Variants in DEPTOR observed in about 807,000 individuals in gnomAD.
The protein encoded by DEPTOR is DEP domain-containing mTOR-interacting protein.
A neutral mutation model predicts 41.6 loss-of-function variants in DEPTOR; 41 were observed. That is an observed-to-expected ratio of 0.98 (90% CI 0.77 to 1.28). DEPTOR has a LOEUF of 1.28. Among genes scored for constraint, DEPTOR ranks in the 50% most tolerant of loss-of-function variants. The probability of loss-of-function intolerance (pLI) is 0.00; values close to 1 mark genes in which losing one functional copy is unlikely to be tolerated. For missense variants in DEPTOR, 514 were observed against 527.9 expected, an observed-to-expected ratio of 0.97 and a Z score of 0.26; for synonymous variants, 195 against 192.3, an observed-to-expected ratio of 1.01 and a Z score of -0.12.
intron 1 of DEPTOR, among the ~76,000 whole-genome samples, chr8:119,926,048 T>C (rs551274464): frequency 9.5e-4 from 144 of 152,366 alleles, no homozygotes; most frequent in Middle Eastern, 3.4e-3. Flanking sequence ...AAAACATTTA[T>C]GTAGTTAGGG....
At chr8:119,935,433 A>G (rs1237499785) in intron 3 of DEPTOR, among the ~76,000 whole-genome samples, 1 of 152,114 alleles carries the variant, frequency 6.6e-6, no homozygotes, top group African/African-American at 2.4e-5. Flanking sequence ...ATTTAAGAAA[A>G]AAGCTGGCCA....
At chr8:119,943,507 C>G (rs1365699459) in intron 3 of DEPTOR, among the ~76,000 whole-genome samples, 3 of 152,112 alleles carry the variant, frequency 2.0e-5, no homozygotes, top group African/African-American at 7.2e-5. Context: ...ATGGGGGAAA[C>G]TGCCCCCATG....
chr8:119,957,692 G>A (rs951383546), intron 3 of DEPTOR, among the ~76,000 whole-genome samples: 1 of 151,384 alleles, frequency 6.6e-6, no homozygotes, highest in Non-Finnish European at 1.5e-5. Flanking sequence ...GGGTTCAAGC[G>A]ATGCTCCTGC....
At chr8:120,022,278 A>G (rs1420243154) in intron 8 of DEPTOR, among the ~76,000 whole-genome samples, 1 of 152,022 alleles carries the variant, frequency 6.6e-6, no homozygotes, top group African/African-American at 2.4e-5. Context: ...CCCATTGACT[A>G]CTACATTCGT....
intron 3 of DEPTOR, among the ~76,000 whole-genome samples, chr8:119,933,453 GACACACACAC>G (rs35420959): frequency 0.032 from 3,925 of 124,570 alleles, 81 homozygotes; most frequent in Non-Finnish European, 0.038. Context: ...GACAGAGCAA[GACACACACAC>G]ACACACACAC....
chr8:119,941,022 G>A (rs547138541), intron 3 of DEPTOR, among the ~76,000 whole-genome samples: 1 of 152,026 alleles, frequency 6.6e-6, no homozygotes, highest in African/African-American at 2.4e-5. Flanking sequence ...TGTGGAGAGG[G>A]ATGGTGCTGA....
intron 8 of DEPTOR, among the ~76,000 whole-genome samples, chr8:120,032,732 C>A (rs559481905): frequency 6.6e-6 from 1 of 152,192 alleles, no homozygotes; most frequent in Non-Finnish European, 1.5e-5. Flanking sequence ...CTACATTTAA[C>A]CATAACAGCC....
intron 8 of DEPTOR, among the ~76,000 whole-genome samples, chr8:120,025,722 A>G (rs1021838382): frequency 1.3e-5 from 2 of 151,884 alleles, no homozygotes; most frequent in Non-Finnish European, 2.9e-5. Flanking sequence ...AATCCAAACC[A>G]CAGTCATCTC....
chr8:119,923,337 A>G (rs1827922394), intron 1 of DEPTOR, among the ~76,000 whole-genome samples: 1 of 152,024 alleles, frequency 6.6e-6, no homozygotes, highest in Non-Finnish European at 1.5e-5. Context: ...TCCACCTCCC[A>G]GGCTCAAGTG....
At chr8:119,958,731 G>A (rs965303089) in intron 3 of DEPTOR, among the ~76,000 whole-genome samples, 5 of 152,018 alleles carry the variant, frequency 3.3e-5, no homozygotes, top group Non-Finnish European at 5.9e-5. Flanking sequence ...GCAGTGAGCC[G>A]AGATCACGTC....
At chr8:119,892,521 G>T (rs934267412) in intron 1 of DEPTOR, among the ~76,000 whole-genome samples, 2 of 152,116 alleles carry the variant, frequency 1.3e-5, no homozygotes, top group Admixed American at 1.3e-4. Flanking sequence ...CTATGAAATG[G>T]GTAGCACGTG....
At chr8:119,947,693 T>A (rs1007434776) in intron 3 of DEPTOR, among the ~76,000 whole-genome samples, 1 of 152,148 alleles carries the variant, frequency 6.6e-6, no homozygotes, top group East Asian at 1.9e-4. Flanking sequence ...AGTATGTGCC[T>A]GAGACACTTG....
intron 4 of DEPTOR, among the ~76,000 whole-genome samples, chr8:119,994,354 T>A (rs574912981): frequency 9.2e-5 from 14 of 152,292 alleles, no homozygotes; most frequent in Admixed American, 8.5e-4. Context: ...ATACAAACTC[T>A]ATGTCATTTA....
intron 1 of DEPTOR, among the ~76,000 whole-genome samples, chr8:119,875,242 T>C (rs1286354121): frequency 1.3e-5 from 2 of 152,158 alleles, no homozygotes; most frequent in Non-Finnish European, 2.9e-5. Flanking sequence ...ATAAAGCTTT[T>C]TAATCACCTG....
rs142052503 is a variant in DEPTOR, at chr8:119,932,603, A to G, written c.425+2665A>G. 9.5e-3 allele frequency among the ~76,000 whole-genome samples: 1,446 copies of G among 152,282 alleles called. 15 individuals are homozygous for G. The highest frequency in any genetic ancestry group is 0.026 in the African/African-American group (1,076 of 41,554). ...CAAATATAGATTGAGCCCTTTCCACATGCTAGGCACAGCTAAAGACACCAG... is the reference window on the plus strand; with the variant it reads ...CAAATATAGATTGAGCCCTTTCCACGTGCTAGGCACAGCTAAAGACACCAG... On this transcript the variant is annotated intron_variant, in intron 3 of 8. Coordinates refer to ENST00000286234, the MANE Select transcript of DEPTOR (RefSeq NM_022783.4).
intron 1 of DEPTOR, among the ~76,000 whole-genome samples, chr8:119,895,415 A>G (rs1293398677): frequency 1.3e-5 from 2 of 152,254 alleles, no homozygotes; most frequent in Admixed American, 1.3e-4. Flanking sequence ...GATCAGCAAG[A>G]AGGGACGTGC....
chr8:119,890,046 C>T (rs770539127), intron 1 of DEPTOR, among the ~76,000 whole-genome samples: 258 of 152,194 alleles, frequency 1.7e-3, no homozygotes, highest in Non-Finnish European at 3.2e-3. Context: ...CTCACTGGAA[C>T]ATCTGCCTCC....
intron 1 of DEPTOR, among the ~76,000 whole-genome samples, chr8:119,918,692 C>T (rs1021198768): frequency 6.6e-6 from 1 of 152,128 alleles, no homozygotes; most frequent in Non-Finnish European, 1.5e-5. Context: ...ATCTCTTGAC[C>T]TTGTGATCGG....
intron 4 of DEPTOR, among the ~76,000 whole-genome samples, chr8:119,984,855 C>T (rs1233400688): frequency 6.6e-6 from 1 of 152,148 alleles, no homozygotes; most frequent in Non-Finnish European, 1.5e-5. Context: ...CTGTCTTCCG[C>T]AATGATTGAA....
Sources: allele counts gnomAD v4.1 joint callset (sites outside exome capture counted in the v4.1 genomes callset), GRCh38; gene constraint gnomAD v4.1.1; transcripts MANE v1.5; gene names NCBI Gene and HGNC (gene_info 2026-07-23, HGNC 2026-07-21).